The following ASTN1 variants were observed in gnomAD, a reference collection of about 807,000 sequenced individuals.
ASTN1 encodes the protein astrotactin 1.
Under a neutral mutation model 140.7 loss-of-function variants are expected in ASTN1, and 41 were observed. That is an observed-to-expected ratio of 0.29 (90% CI 0.23 to 0.38). The LOEUF (loss-of-function observed/expected upper bound fraction) is 0.38. Among genes scored for constraint, ASTN1 ranks in the 10% least tolerant of loss-of-function variants. ASTN1 has a pLI of 1.00. For missense variants in ASTN1, 1,479 were observed against 1,678.8 expected, an observed-to-expected ratio of 0.88 and a Z score of 2.08; for synonymous variants, 640 against 652.2, an observed-to-expected ratio of 0.98 and a Z score of 0.29.
chr1:177,095,130 T>C lies in ASTN1; in HGVS notation c.284-33865A>G, dbSNP rs571458154. Among the ~76,000 whole-genome samples, 25 of 152,336 alleles carry C rather than the reference T, an allele frequency of 1.6e-4. No homozygotes were observed. In the South Asian group the frequency reaches 5.0e-3, roughly 30 times the overall value. On this transcript the variant is annotated intron_variant, in intron 1 of 22. Transcript: ENST00000361833. ...ATTTCTAAGGAAAGTATTGAAGGTG[T>C]GGCTTAGCCTCTCTTGAGTGCTAAG...
intron 16 of ASTN1, among the ~76,000 whole-genome samples, chr1:176,901,534 GTACTTGCAGTCA>G (rs1479739833): frequency 2.6e-5 from 4 of 152,190 alleles, no homozygotes; most frequent in African/African-American, 9.6e-5. Context: ...GGGAGGAAAA[GTACTTGCAGTCA>G]TACTGGGATT....
chr1:176,901,735 C>T (rs1275482822), intron 16 of ASTN1, among the ~76,000 whole-genome samples: 1 of 152,192 alleles, frequency 6.6e-6, no homozygotes, highest in African/African-American at 2.4e-5. Flanking sequence ...TCCAGCCTCA[C>T]ATTCAGCTAC....
intron 1 of ASTN1, among the ~76,000 whole-genome samples, chr1:177,107,818 A>G (rs956147511): frequency 1.3e-5 from 2 of 152,176 alleles, no homozygotes; most frequent in Non-Finnish European, 2.9e-5. Context: ...CAATTGGAGT[A>G]TATCATCTGT....
intron 2 of ASTN1, among the ~76,000 whole-genome samples, chr1:177,044,056 G>A (rs905343155): frequency 6.6e-6 from 1 of 151,956 alleles, no homozygotes; most frequent in Non-Finnish European, 1.5e-5. Flanking sequence ...GCTTCGTTAA[G>A]CCACCAGCTC....
Position 176,876,543 on chromosome 1 carries a change from C to T in ASTN1, c.3457G>A (p.Ala1153Thr), listed in dbSNP as rs770385571. 3 of 1,614,154 alleles carry T rather than the reference C, an allele frequency of 1.9e-6. No homozygotes were observed. The African/African-American group carries it at 4.0e-5, about 22-fold the overall frequency. The change falls in exon 21 of 23, where the codon GCT (alanine) becomes ACT (threonine). Residue 1153 changes from alanine (A) to threonine (T), a missense_variant. Physicochemically the swap from Ala to Thr is moderately conservative, Grantham distance 58 (BLOSUM62 0). Transcript: ENST00000361833. ...TAACTTCGATGTCTCTTACCTTGAGCCTTGACATCATCCACCACGGGGCAT... is the reference window on the plus strand; with the variant it reads ...TAACTTCGATGTCTCTTACCTTGAGTCTTGACATCATCCACCACGGGGCAT... ...TPCPVVDDVK[A>T]QEIADKIYNL...
intron 16 of ASTN1, among the ~76,000 whole-genome samples, chr1:176,916,051 T>A (rs1416408517): frequency 6.6e-6 from 1 of 152,194 alleles, no homozygotes; most frequent in Non-Finnish European, 1.5e-5. Context: ...GAAAAATCAC[T>A]GGGATCTTTA....
intron 1 of ASTN1, among the ~76,000 whole-genome samples, chr1:177,088,502 C>T (rs1005680908): frequency 2.6e-5 from 4 of 152,250 alleles, no homozygotes; most frequent in African/African-American, 9.6e-5. Flanking sequence ...TAGCGTCATC[C>T]TCAGTAACAA....
At chr1:177,028,471 A>G (rs1676247168) in intron 5 of ASTN1, among the ~76,000 whole-genome samples, 2 of 152,248 alleles carry the variant, frequency 1.3e-5, no homozygotes, top group Admixed American at 6.5e-5. Flanking sequence ...TATAATCAAA[A>G]GGGCTTCTTC....
At chr1:176,910,969 C>G (rs1420303283) in intron 16 of ASTN1, among the ~76,000 whole-genome samples, 1 of 152,262 alleles carries the variant, frequency 6.6e-6, no homozygotes, top group Non-Finnish European at 1.5e-5. Flanking sequence ...CCCCTCTGAC[C>G]TGTCCATGGA....
intron 16 of ASTN1, among the ~76,000 whole-genome samples, chr1:176,910,626 T>A (rs1334519597): frequency 2.0e-5 from 3 of 152,212 alleles, no homozygotes; most frequent in Non-Finnish European, 4.4e-5. Context: ...GAGTTCATCA[T>A]CAATGCGTAC....
rs76687963 is a variant in ASTN1, at chr1:176,963,859, A to G, written c.1598+1304T>C. Among the ~76,000 whole-genome samples the G allele has an allele frequency of 3.4e-4, 52 of 152,340 alleles. 2 individuals carry two copies. The East Asian group carries it at 0.01, about 29-fold the overall frequency. On this transcript the variant is annotated intron_variant, in intron 9 of 22. Coordinates refer to ENST00000361833, the MANE Select transcript of ASTN1 (RefSeq NM_004319.3). ...ATCCTTGTTGGAAAGTTTAATGCCC[A>G]TGTCACAGTCCAAGGAATGGAGCTG...
intron 1 of ASTN1, among the ~76,000 whole-genome samples, chr1:177,120,855 G>A (rs1481870517): frequency 6.6e-6 from 1 of 152,192 alleles, no homozygotes. Context: ...ATCCCTAGCA[G>A]CAGCCTAACT....
chr1:176,992,911 T>C (rs999418949), intron 8 of ASTN1, among the ~76,000 whole-genome samples: 1 of 152,204 alleles, frequency 6.6e-6, no homozygotes, highest in Non-Finnish European at 1.5e-5. Flanking sequence ...CTATAGAAGC[T>C]AGGGCCTTTA....
intron 1 of ASTN1, among the ~76,000 whole-genome samples, chr1:177,106,010 G>GAAAACA (rs1431893826): frequency 1.3e-5 from 2 of 151,922 alleles, no homozygotes; most frequent in Non-Finnish European, 2.9e-5. Flanking sequence ...AAACAAAAAC[G>GAAAACA]AAAACAAAAA....
chr1:176,969,678 T>G (rs1304574650), intron 8 of ASTN1, among the ~76,000 whole-genome samples: 1 of 152,146 alleles, frequency 6.6e-6, no homozygotes, highest in Non-Finnish European at 1.5e-5. Context: ...AGGTCAGATG[T>G]GGGGCAGGAG....
At chr1:176,897,570 GA>G (rs79077210) in intron 16 of ASTN1, among the ~76,000 whole-genome samples, 13,735 of 149,294 alleles carry the variant, frequency 0.092, 680 homozygotes, top group African/African-American at 0.13. Context: ...TGAGCGGGAG[GA>G]AAAAAAAATG....
chr1:176,942,820 G>GTGTATATATATATA lies in ASTN1; in HGVS notation c.2377+1070_2377+1071insTATATATATATACA, dbSNP rs1553231482. On this transcript the variant is annotated intron_variant, in intron 14 of 22. Transcript: ENST00000361833. Reference sequence around the variant, plus strand: ...CCAAACCAATGTACTTTGTGTGTGTGTATATATATATATATGTATATATAT... The same window carrying GTGTATATATATATA: ...CCAAACCAATGTACTTTGTGTGTGTGTGTATATATATATATATATATATATATATGTATATATAT... Among the ~76,000 whole-genome samples the GTGTATATATATATA allele has an allele frequency of 3.6e-4, 9 of 25,320 alleles. 2 individuals are homozygous for GTGTATATATATATA. The highest frequency in any genetic ancestry group is 6.4e-4 in the Non-Finnish European group (8 of 12,434). The allele number at this position is 25,320 out of a possible 152,430, so 16.6% of individuals were successfully genotyped here.
intron 1 of ASTN1, among the ~76,000 whole-genome samples, chr1:177,153,583 A>G (rs1033483079): frequency 6.6e-5 from 10 of 152,194 alleles, no homozygotes; most frequent in Admixed American, 3.3e-4. Context: ...CTATTAGAAT[A>G]TTCAGGAAAA....
At chr1:177,051,187 G>A (rs902658442) in intron 2 of ASTN1, among the ~76,000 whole-genome samples, 1 of 152,124 alleles carries the variant, frequency 6.6e-6, no homozygotes, top group African/African-American at 2.4e-5. Flanking sequence ...TCAATCTGTG[G>A]GGGTCTGGCT....
Sources: gnomAD v4.1 joint callset for allele counts (sites outside exome capture counted in the v4.1 genomes callset) on GRCh38, gnomAD v4.1.1 for gene constraint, MANE v1.5 for transcripts, NCBI Gene and HGNC (gene_info 2026-07-23, HGNC 2026-07-21) for gene names.